Variants in DPP6 observed in about 807,000 individuals in gnomAD.
The protein encoded by DPP6 is dipeptidyl peptidase like 6.
In DPP6, 69 loss-of-function variants were observed where a neutral mutation model predicts 122.6. The ratio of observed to expected loss-of-function variants is 0.56; its 90% CI spans 0.46 to 0.69. DPP6 has a LOEUF of 0.69. DPP6 is among the 30% of genes least tolerant of loss of function. The pLI, the probability that DPP6 is intolerant of heterozygous loss-of-function variation, is 0.00. For missense variants in DPP6, 928 were observed against 1,116.9 expected (o/e 0.83, Z 2.41); for synonymous variants, 418 against 433.1 (o/e 0.97, Z 0.43).
At chr7:153,909,879 G>C (rs915489572) in intron 1 of DPP6, among the ~76,000 whole-genome samples, 16 of 152,126 alleles carry the variant, frequency 1.1e-4, no homozygotes, top group African/African-American at 3.9e-4. Flanking sequence ...TCACAGGAGA[G>C]GATATTGGAG....
At position 154,885,688 on chromosome 7, in the gene DPP6, G is replaced by A; in HGVS notation, c.2189G>A (p.Gly730Asp). Residue 730 changes from glycine to aspartate, a missense_variant, in exon 22 of 26, where the codon GGC (glycine) becomes GAC (aspartate). By Grantham distance (94) the Gly-to-Asp change is moderately conservative. Transcript: ENST00000377770. ...CTCCCAGCAAAGGGAGAAAATCAAG[G>A]CCAGACATTCACCTGCGGCTCTGCT... ...YILPAKGENQ[G>D]QTFTCGSALS... The A allele has an allele frequency of 2.5e-6, 4 of 1,597,972 alleles. No individual in the cohort carries two copies. Among genetic ancestry groups the A allele is most frequent in the Non-Finnish European group, 3.4e-6 (4 of 1,172,390 alleles).
chr7:154,129,946 C>T (rs1454816909), intron 1 of DPP6, among the ~76,000 whole-genome samples: 1 of 150,802 alleles, frequency 6.6e-6, no homozygotes, highest in Middle Eastern at 3.2e-3. Context: ...CATGGTGACA[C>T]ACGCCTGTAA....
At chr7:154,201,840 C>T (rs1483923058) in intron 1 of DPP6, among the ~76,000 whole-genome samples, 2 of 152,230 alleles carry the variant, frequency 1.3e-5, no homozygotes, top group African/African-American at 4.8e-5. Flanking sequence ...TGTCCTGAAA[C>T]CATCACTTAA....
chr7:154,192,311 C>T (rs1798653829), intron 1 of DPP6, among the ~76,000 whole-genome samples: 1 of 152,242 alleles, frequency 6.6e-6, no homozygotes, highest in Admixed American at 6.5e-5. Flanking sequence ...GATAAAGCCA[C>T]CTACAAATAA....
intron 1 of DPP6, among the ~76,000 whole-genome samples, chr7:154,201,294 AT>A: frequency 1.3e-5 from 2 of 152,076 alleles, no homozygotes; most frequent in Middle Eastern, 6.8e-3. Flanking sequence ...TGCCCAGCTA[AT>A]TTTTTGTATT....
the DPP6 span, among the ~76,000 whole-genome samples, chr7:153,836,193 C>T: frequency 9.2e-5 from 14 of 152,336 alleles, no homozygotes; most frequent in South Asian, 2.1e-4. Flanking sequence ...ACGTTTGCCA[C>T]GCTGGAGGCC....
intron 1 of DPP6, among the ~76,000 whole-genome samples, chr7:153,890,210 A>T (rs1363672244): frequency 6.6e-6 from 1 of 152,260 alleles, no homozygotes; most frequent in Non-Finnish European, 1.5e-5. Context: ...ACCCACATAC[A>T]CACAGAGACC....
chr7:154,751,128 C>G (rs1456501753), intron 8 of DPP6, among the ~76,000 whole-genome samples: 1 of 152,064 alleles, frequency 6.6e-6, no homozygotes, highest in East Asian at 1.9e-4. Flanking sequence ...GGGAGGAAAC[C>G]TGTTTACTAG....
intron 16 of DPP6, among the ~76,000 whole-genome samples, chr7:154,843,669 G>A (rs1306691445): frequency 6.6e-6 from 1 of 152,226 alleles, no homozygotes; most frequent in Non-Finnish European, 1.5e-5. Context: ...AATGTTGGCT[G>A]CTGTTGTTTT....
intron 1 of DPP6, among the ~76,000 whole-genome samples, chr7:154,023,318 G>GCACGCGCACACACACACACACACACA (rs373378162): frequency 6.2e-5 from 8 of 129,528 alleles, no homozygotes; most frequent in African/African-American, 2.6e-4. Context: ...TTTCTTGTCT[G>GCACGCGCACACACACACACACACACA]CACACACACA....
chr7:153,889,105 C>T (rs769114642), intron 1 of DPP6, among the ~76,000 whole-genome samples: 27 of 152,286 alleles, frequency 1.8e-4, no homozygotes, highest in Non-Finnish European at 2.6e-4. Flanking sequence ...CAAGACACCT[C>T]GCAGGGAAGT....
the DPP6 span, among the ~76,000 whole-genome samples, chr7:153,829,245 G>A: frequency 2.0e-5 from 3 of 152,122 alleles, no homozygotes; most frequent in South Asian, 2.1e-4. Flanking sequence ...ACAGAGACTC[G>A]TTCTGTCCCT....
chr7:153,866,308 G>T, the DPP6 span, among the ~76,000 whole-genome samples: 1 of 152,138 alleles, frequency 6.6e-6, no homozygotes, highest in African/African-American at 2.4e-5. Flanking sequence ...ATCCTCTCCA[G>T]CACCTGTTGT....
intron 1 of DPP6, among the ~76,000 whole-genome samples, chr7:154,279,902 G>GT (rs933871525): frequency 1.3e-5 from 2 of 152,100 alleles, no homozygotes; most frequent in Non-Finnish European, 2.9e-5. Context: ...AGTAGATTGG[G>GT]TTTTTTTACC....
chr7:154,045,817 A>G (rs958517878), intron 1 of DPP6, among the ~76,000 whole-genome samples: 1 of 152,220 alleles, frequency 6.6e-6, no homozygotes, highest in African/African-American at 2.4e-5. Flanking sequence ...AGTACTGATG[A>G]TCATCTGCAT....
chr7:154,734,053 G>A (rs995752804), intron 8 of DPP6, among the ~76,000 whole-genome samples: 1 of 152,180 alleles, frequency 6.6e-6, no homozygotes, highest in African/African-American at 2.4e-5. Context: ...AGTGAATAGC[G>A]GCAGCCTTGG....
chr7:154,367,185 G>A (rs1812260062), intron 1 of DPP6, among the ~76,000 whole-genome samples: 1 of 152,182 alleles, frequency 6.6e-6, no homozygotes, highest in African/African-American at 2.4e-5. Flanking sequence ...TAAGGTGACA[G>A]GTGGGGGCAG....
At chr7:154,792,056 A>C (rs1797715014) in intron 10 of DPP6, among the ~76,000 whole-genome samples, 1 of 152,290 alleles carries the variant, frequency 6.6e-6, no homozygotes, top group Non-Finnish European at 1.5e-5. Context: ...CCAACAATTG[A>C]GAACAAAAGC....
chr7:154,725,860 A>T (rs1321873068), intron 7 of DPP6, among the ~76,000 whole-genome samples: 1 of 152,196 alleles, frequency 6.6e-6, no homozygotes, highest in Non-Finnish European at 1.5e-5. Context: ...CCAAAATACA[A>T]TGGGGACACA....
Sources: allele counts gnomAD v4.1 joint callset (sites outside exome capture counted in the v4.1 genomes callset), GRCh38; gene constraint gnomAD v4.1.1; transcripts MANE v1.5; gene names NCBI Gene and HGNC (gene_info 2026-07-23, HGNC 2026-07-21).